Variants in CUL9 observed in about 807,000 individuals in gnomAD.
The protein encoded by CUL9 is cullin-9.
In CUL9, 79 loss-of-function variants were observed where a neutral mutation model predicts 272.6. That is an observed-to-expected ratio of 0.29 (90% confidence interval 0.24 to 0.35). The LOEUF (loss-of-function observed/expected upper bound fraction) is 0.35. CUL9 is among the 10% of genes least tolerant of loss of function. The probability of loss-of-function intolerance (pLI) is 1.00; values close to 1 mark genes in which losing one functional copy is unlikely to be tolerated. For missense variants in CUL9, 2,532 were observed against 3,255.6 expected, an observed-to-expected ratio of 0.78 and a Z score of 5.41; for synonymous variants, 1,186 against 1,286.5, an observed-to-expected ratio of 0.92 and a Z score of 1.67.
In CUL9 at chr6:43,203,192, G is replaced by A; in HGVS notation, c.3837G>A (p.Lys1279=). The stretch of plus-strand genomic sequence containing the variant: ...GGCCCATCATCCAGATCCGCATAAA[G>A]CGCTGCCAGCAGGTGGTGTTAGGGT... ...RFWPIIQIRI[K]RCQQGGIDTR... is the part of the protein sequence containing the mutation. Residue 1279 remains lysine, a synonymous_variant, in exon 18 of 41, where the codon AAG becomes AAA. Transcript: ENST00000252050. This position sits in a 1 kb window ranked among gnomAD's most constrained non-coding sequence, Gnocchi z 5.0. 1.2e-6 allele frequency: 2 copies of A among 1,614,172 alleles called. No homozygotes were observed. Among genetic ancestry groups the A allele is most frequent in the East Asian group, 4.5e-5 (2 of 44,872 alleles).
intron 10 of CUL9, 93 bp from the exon 11 acceptor site, chr6:43,196,552 G>A (rs931128506): frequency 3.4e-6 from 4 of 1,172,848 alleles, no homozygotes; most frequent in Admixed American, 3.4e-5. Context: ...GGAGCCCTTT[G>A]CTCCCTAGCT....
rs532837662 is a variant in CUL9 at position 43,217,592 on chromosome 6, G to T, written c.6282+1089G>T. 5.9e-5 allele frequency among the ~76,000 whole-genome samples: 9 copies of T among 152,144 alleles called. No homozygotes were observed. In the East Asian group the frequency reaches 1.5e-3, roughly 26 times the overall value. On this transcript the variant is annotated intron_variant, in intron 31 of 40. Transcript: ENST00000252050. ...AATTCCAGCTGCTTCTGCCAACAGC[G>T]TTTCCCCAGTAGTGGGTGATAGACG... is the stretch of plus-strand genomic sequence containing the variant.
chr6:43,199,061 C>T lies in CUL9; in HGVS notation c.3051-205C>T, dbSNP rs1774290576. ...AAGTGGTTCTCCTGCCTCAGCCTCC[C>T]GAGTAGCTGGGATTGCAGGCATGTG... On this transcript the variant is annotated intron_variant, in intron 12 of 40. Transcript: ENST00000252050. The surrounding 1 kb of genome is among the most constrained non-coding windows in gnomAD (Gnocchi z 4.4). Among the ~76,000 whole-genome samples the T allele has an allele frequency of 6.6e-6, 1 of 152,094 alleles. No individual in the cohort carries two copies. The highest frequency in any genetic ancestry group is 6.5e-5 in the Admixed American group (1 of 15,276).
In CUL9 at chr6:43,193,029, C is replaced by G; in HGVS notation, c.2209C>G (p.Leu737Val). Residue 737 changes from leucine (L) to valine (V), a missense_variant, in exon 9 of 41, where the codon CTG becomes GTG. Leu to Val is a conservative substitution (Grantham distance 32). Coordinates refer to ENST00000252050, the MANE Select transcript of CUL9 (RefSeq NM_015089.4). ...GAAGCTAGTGAAGATGCTGGTGGAG[C>G]TGCTGACCAACCAGGTGGGAGAGAA... Reference protein sequence around the residue: ...REKLVKMLVELLTNQVGEKMV... With the variant: ...REKLVKMLVEVLTNQVGEKMV... 1 of 1,614,152 alleles carries G rather than the reference C, an allele frequency of 6.2e-7. No individual in the cohort carries two copies. The highest frequency in any genetic ancestry group is 8.5e-7 in the Non-Finnish European group (1 of 1,180,000).
chr6:43,200,963 C>T lies in CUL9; in HGVS notation c.3647+129C>T. The T allele has an allele frequency of 2.6e-6, 3 of 1,145,510 alleles. No homozygotes were observed. Among genetic ancestry groups the T allele is most frequent in the Non-Finnish European group, 3.8e-6 (3 of 794,188 alleles). The allele number at this position is 1,145,510 out of a possible 1,614,324, so 71.0% of individuals were successfully genotyped here. The stretch of plus-strand genomic sequence containing the variant: ...ACTCAAACCTATTTTGTGCAGTGAA[C>T]ACATAGACACATTGACCTGCCTTTG... On this transcript the variant is annotated intron_variant, in intron 16 of 40. Transcript: ENST00000252050. This position sits in a 1 kb window ranked among gnomAD's most constrained non-coding sequence, Gnocchi z 4.0.
intron 10 of CUL9, 72 bp from the exon 11 acceptor site, chr6:43,196,573 C>G (rs9462874): frequency 2.9e-6 from 4 of 1,368,862 alleles, no homozygotes; most frequent in Non-Finnish European, 4.2e-6. Flanking sequence ...GCCCGGCCTT[C>G]TATGCTTGCT....
In CUL9 at chr6:43,222,594, T is replaced by A. The variant is rs1776464709; in HGVS notation, c.6985T>A (p.Phe2329Ile). 6.2e-7 allele frequency: 1 copy of A among 1,613,224 alleles called. No individual in the cohort carries two copies. Among genetic ancestry groups the A allele is most frequent in the African/African-American group, 1.3e-5 (1 of 74,918 alleles). ...AIHEVPPPRSFTFLNDACQGL... is the reference protein window; with the variant it reads ...AIHEVPPPRSITFLNDACQGL... ...CCATGAAGTGCCCCCGCCCAGATCC[T>A]TCACCTTCCTCAATGATGCCTGCCA... The change falls in exon 37 of 41, where the codon TTC becomes ATC. Residue 2329 changes from phenylalanine to isoleucine, a missense_variant. Physicochemically the swap from Phe to Ile is conservative, Grantham distance 21. Around this residue, in one of 3 missense-constraint regions of CUL9, gnomAD observed 237 missense variants for 305.9 expected, o/e 0.77. Coordinates refer to ENST00000252050, the MANE Select transcript of CUL9 (RefSeq NM_015089.4).
At position 43,220,379 on chromosome 6, in the gene CUL9, C is replaced by A. The variant is rs1371154940; in HGVS notation, c.6283-80C>A. 1 of 1,516,286 alleles carries A rather than the reference C, an allele frequency of 6.6e-7. No homozygotes were observed. The highest frequency in any genetic ancestry group is 1.8e-5 in the Admixed American group (1 of 55,948). 93.9% of individuals were successfully genotyped at this position (1,516,286 alleles called of 1,614,324 possible). On this transcript the variant is annotated intron_variant, in intron 31 of 40. Transcript: ENST00000252050. This position sits in a 1 kb window ranked among gnomAD's most constrained non-coding sequence, Gnocchi z 4.9. Reference sequence around the variant, plus strand: ...TAGTGGAGGGGAAGGGAAGGAGGGACGCTAGCTTAGTTACCAGGACACTCC... The same window carrying A: ...TAGTGGAGGGGAAGGGAAGGAGGGAAGCTAGCTTAGTTACCAGGACACTCC...
Position 43,199,834 on chromosome 6 carries a change from C to T in CUL9, c.3157-95C>T. The T allele has an allele frequency of 9.8e-7, 1 of 1,024,414 alleles. No individual in the cohort carries two copies. Among genetic ancestry groups the T allele is most frequent in the Non-Finnish European group, 1.5e-6 (1 of 666,808 alleles). 63.5% of individuals were successfully genotyped at this position (1,024,414 alleles called of 1,614,324 possible). On this transcript the variant is annotated intron_variant, in intron 13 of 40. Coordinates refer to ENST00000252050, the MANE Select transcript of CUL9 (RefSeq NM_015089.4). The surrounding 1 kb of genome is among the most constrained non-coding windows in gnomAD (Gnocchi z 4.4). ...GGGCGTTGGCATGTCTCCACAATCT[C>T]AGCCACGACACTTCCTTTACTGAAC...
At position 43,206,203 on chromosome 6, in the gene CUL9, G is replaced by A; in HGVS notation, c.4990G>A (p.Asp1664Asn). Residue 1664 changes from aspartate (D) to asparagine (N), a missense_variant, in exon 25 of 41, where the codon GAT (aspartate) becomes AAT (asparagine). This residue lies in a region of CUL9 where 2,218 missense variants were observed against 2,788.6 expected (regional missense o/e 0.80). Transcript: ENST00000252050. The surrounding 1 kb of genome is among the most constrained non-coding windows in gnomAD (Gnocchi z 4.8). Reference protein sequence around the residue: ...RLDKLFLEQEDEEEKRLEEEE... With the variant: ...RLDKLFLEQENEEEKRLEEEE... ...CGACAAGTTGTTCTTGGAGCAGGAA[G>A]ATGAGGAGGAAAAGAGACTAGAGGA... is the stretch of plus-strand genomic sequence containing the variant. The A allele has an allele frequency of 6.2e-7, 1 of 1,612,332 alleles. No individual in the cohort carries two copies. Among genetic ancestry groups the A allele is most frequent in the Non-Finnish European group, 8.5e-7 (1 of 1,179,264 alleles).
At position 43,203,781 on chromosome 6, in the gene CUL9, T is replaced by C; in HGVS notation, c.4026-73T>C. The C allele has an allele frequency of 2.6e-6, 4 of 1,543,546 alleles. No homozygotes were observed. Among genetic ancestry groups the C allele is most frequent in the Non-Finnish European group, 3.5e-6 (4 of 1,142,002 alleles). Reference sequence around the variant, plus strand: ...GGACCGAACAGGGGTGATTGGGAGCTGATCTGCACTTGAATGGAGGCCTCT... The same window carrying C: ...GGACCGAACAGGGGTGATTGGGAGCCGATCTGCACTTGAATGGAGGCCTCT... On this transcript the variant is annotated intron_variant, in intron 19 of 40. Coordinates refer to ENST00000252050, the MANE Select transcript of CUL9 (RefSeq NM_015089.4). The surrounding 1 kb of genome is among the most constrained non-coding windows in gnomAD (Gnocchi z 5.0).
At position 43,203,009 on chromosome 6, in the gene CUL9, G is replaced by A; in HGVS notation, c.3754-100G>A. 2 of 1,366,722 alleles carry A rather than the reference G, an allele frequency of 1.5e-6. No individual in the cohort carries two copies. Among genetic ancestry groups the A allele is most frequent in the South Asian group, 1.2e-5 (1 of 84,456 alleles). 84.7% of individuals were successfully genotyped at this position (1,366,722 alleles called of 1,614,324 possible). On this transcript the variant is annotated intron_variant, in intron 17 of 40. Transcript: ENST00000252050. The surrounding 1 kb of genome is among the most constrained non-coding windows in gnomAD (Gnocchi z 5.0). ...CATCCCTAGGCTCTGCGGGAGAAGT[G>A]AAGGGCACACACCATGACCGACTTG...
chr6:43,212,386 A>G (rs1159138436), intron 26 of CUL9, among the ~76,000 whole-genome samples: 1 of 152,174 alleles, frequency 6.6e-6, no homozygotes, highest in African/African-American at 2.4e-5. Context: ...TGAAATAGTT[A>G]TATCTAGTTC....
intron 9 of CUL9, among the ~76,000 whole-genome samples, chr6:43,193,634 C>T (rs1023179395): frequency 6.6e-6 from 1 of 152,124 alleles, no homozygotes; most frequent in Admixed American, 6.6e-5. Context: ...ACAACCTCCA[C>T]CTCCTGGGTT....
At chr6:43,187,195 A>G (rs762463281) in intron 5 of CUL9, 51 bp from the exon 6 acceptor site, 1 of 1,605,262 alleles carries the variant, frequency 6.2e-7, no homozygotes. Flanking sequence ...GGGTCCAGAA[A>G]TAGACCCCAT....
In CUL9 at chr6:43,187,401, C is replaced by T; in HGVS notation, c.1543C>T (p.Gln515Ter). ...CAAAAAGTTGGACTTGTGTGAGCAG[C>T]AGCCAATTTTCCAGAATCTTTGGAA... ...FIKKLDLCEQ[Q>*]PIFQNLWKNL... Residue 515 changes from glutamine to a stop codon, truncating the protein, a stop_gained, in exon 6 of 41, where the codon CAG (glutamine) becomes TAG (stop). Coordinates refer to ENST00000252050, the MANE Select transcript of CUL9 (RefSeq NM_015089.4). LOFTEE classifies it high-confidence loss of function. 6.2e-7 allele frequency: 1 copy of T among 1,614,096 alleles called. No individual in the cohort carries two copies. Among genetic ancestry groups the T allele is most frequent in the Non-Finnish European group, 8.5e-7 (1 of 1,179,976 alleles).
In CUL9 at chr6:43,188,756, T is replaced by C. The variant is rs369873873; in HGVS notation, c.2180+41T>C. On this transcript the variant is annotated intron_variant, in intron 8 of 40. Coordinates refer to ENST00000252050, the MANE Select transcript of CUL9 (RefSeq NM_015089.4). ...AGGGAAGAGGTTTTGGTTGAAGCTG[T>C]AGGCAAAGGATGGTGGTAGCGGGGA... 5.4e-6 allele frequency: 8 copies of C among 1,493,128 alleles called. No homozygotes were observed. The African/African-American group carries it at 9.8e-5, about 18-fold the overall frequency. The allele number at this position is 1,493,128 out of a possible 1,614,324, so 92.5% of individuals were successfully genotyped here.
Position 43,206,972 on chromosome 6 carries a change from G to A in CUL9, c.5212+462G>A, listed in dbSNP as rs1413827952. On this transcript the variant is annotated intron_variant, in intron 26 of 40. Transcript: ENST00000252050. The surrounding 1 kb of genome is among the most constrained non-coding windows in gnomAD (Gnocchi z 4.8). The stretch of plus-strand genomic sequence containing the variant: ...CGATTCTCCTGTCTCAGCCTCCCAA[G>A]TAGCTGGGACTACAGGCGTATGCCA... 1.3e-5 allele frequency among the ~76,000 whole-genome samples: 2 copies of A among 152,098 alleles called. No homozygotes were observed. Among genetic ancestry groups the A allele is most frequent in the Non-Finnish European group, 2.9e-5 (2 of 68,030 alleles).
At position 43,220,234 on chromosome 6, in the gene CUL9, A is replaced by G. The variant is rs1776238711; in HGVS notation, c.6283-225A>G. Among the ~76,000 whole-genome samples the G allele has an allele frequency of 6.6e-6, 1 of 152,170 alleles. No homozygotes were observed. The highest frequency in any genetic ancestry group is 2.4e-5 in the African/African-American group (1 of 41,424). ...TCCCAACAGTAATTATGATTAGGCA[A>G]ATACACAGCCCACCCCATCCTCAAA... On this transcript the variant is annotated intron_variant, in intron 31 of 40. Transcript: ENST00000252050. The surrounding 1 kb of genome is among the most constrained non-coding windows in gnomAD (Gnocchi z 4.9).
Sources: gnomAD v4.1 joint callset for allele counts (sites outside exome capture counted in the v4.1 genomes callset) on GRCh38, gnomAD v4.1.1 for gene constraint, gnomAD v4.1.1 regional missense constraint, Gnocchi (gnomAD v3.1) non-coding constraint, MANE v1.5 for transcripts, NCBI Gene and HGNC (gene_info 2026-07-23, HGNC 2026-07-21) for gene names.